The following LGR5 variants were observed in gnomAD, a reference collection of about 807,000 sequenced individuals.
LGR5 encodes leucine-rich repeat-containing G protein-coupled receptor 5.
LGR5 carries 54 observed loss-of-function variants against 76.7 expected under a neutral mutation model. The observed-to-expected ratio is 0.70, with a 90% CI of 0.57 to 0.88. LGR5 has a LOEUF of 0.88. Among genes scored for constraint, LGR5 ranks in the 40% least tolerant of loss-of-function variants. The pLI, the probability that LGR5 is intolerant of heterozygous loss-of-function variation, is 0.00. For synonymous variants in LGR5, 406 were observed against 421.9 expected, an observed-to-expected ratio of 0.96 and a Z score of 0.46; for missense variants, 1,078 against 1,073.3, an observed-to-expected ratio of 1.00 and a Z score of -0.06.
chr12:71,533,154 G>A (rs1314706099), intron 3 of LGR5, among the ~76,000 whole-genome samples: 1 of 152,120 alleles, frequency 6.6e-6, no homozygotes, highest in Admixed American at 6.5e-5. Context: ...AGACCAGCCT[G>A]GCCAACATGG....
intron 8 of LGR5, among the ~76,000 whole-genome samples, chr12:71,566,199 TA>T (rs1719808173): frequency 6.6e-6 from 1 of 152,206 alleles, no homozygotes; most frequent in Non-Finnish European, 1.5e-5. Flanking sequence ...CAATTTTATA[TA>T]GTACAGATTC....
At chr12:71,576,071 CA>C (rs1878842099) in intron 13 of LGR5, among the ~76,000 whole-genome samples, 1 of 152,054 alleles carries the variant, frequency 6.6e-6, no homozygotes, top group South Asian at 2.1e-4. Context: ...AGAGATACCA[CA>C]CACCAGGGCC....
intron 1 of LGR5, among the ~76,000 whole-genome samples, chr12:71,498,760 C>A (rs1874451142): frequency 6.6e-6 from 1 of 152,098 alleles, no homozygotes. Context: ...GGGAAGGGAT[C>A]CATAAGGAAG....
intron 1 of LGR5, among the ~76,000 whole-genome samples, chr12:71,451,336 A>G (rs112953098): frequency 0.012 from 1,839 of 152,312 alleles, 15 homozygotes; most frequent in Middle Eastern, 0.031. Context: ...CTTACAATGT[A>G]TGGAGGAACT....
At chr12:71,532,905 T>G (rs1876396419) in intron 3 of LGR5, among the ~76,000 whole-genome samples, 1 of 152,056 alleles carries the variant, frequency 6.6e-6, no homozygotes, top group Admixed American at 6.6e-5. Flanking sequence ...TAGAAATGTT[T>G]AGATAGCTAG....
At chr12:71,571,702 C>T (rs1878618618) in intron 12 of LGR5, 123 bp downstream of exon 12, 2 of 687,884 alleles carry the variant, frequency 2.9e-6, no homozygotes, top group Non-Finnish European at 5.1e-6. Flanking sequence ...TTCCTTCTTA[C>T]ACACACAAGG....
rs1592444852 is a variant in LGR5 at position 71,440,840 on chromosome 12, C to G, written c.212+548C>G. The stretch of plus-strand genomic sequence containing the variant: ...TTTTCCTCTTTTCCTCCCTTCCTTC[C>G]TCCCTTCTTCCTTCCTTCCCTCCCT... On this transcript the variant is annotated intron_variant, in intron 1 of 17. Transcript: ENST00000266674. This position sits in a 1 kb window ranked among gnomAD's most constrained non-coding sequence, Gnocchi z 5.3. Among the ~76,000 whole-genome samples the G allele has an allele frequency of 6.6e-6, 1 of 152,108 alleles. No individual in the cohort carries two copies.
At chr12:71,442,467 CA>C (rs1463114566) in intron 1 of LGR5, among the ~76,000 whole-genome samples, 11 of 152,170 alleles carry the variant, frequency 7.2e-5, no homozygotes, top group African/African-American at 2.7e-4. Flanking sequence ...GACATTTTCC[CA>C]GTGCCCTGTG....
At chr12:71,512,846 T>C (rs551202468) in intron 2 of LGR5, among the ~76,000 whole-genome samples, 1 of 152,224 alleles carries the variant, frequency 6.6e-6, no homozygotes, top group East Asian at 1.9e-4. Context: ...GTAACGTTGT[T>C]GGAATGTAAG....
intron 1 of LGR5, among the ~76,000 whole-genome samples, chr12:71,497,355 AG>A (rs771336760): frequency 0.098 from 13,416 of 136,568 alleles, 639 homozygotes; most frequent in Non-Finnish European, 0.12. Context: ...GAAGGAAGGA[AG>A]AAAGGAAGGA....
At chr12:71,556,497 T>C in intron 5 of LGR5, 122 bp from the exon 6 acceptor site, 1 of 700,474 alleles carries the variant, frequency 1.4e-6, no homozygotes. Context: ...AGCCATTTTT[T>C]ACATTGGCTT....
chr12:71,574,691 G>A (rs1310605720), intron 13 of LGR5, among the ~76,000 whole-genome samples: 1 of 152,120 alleles, frequency 6.6e-6, no homozygotes, highest in African/African-American at 2.4e-5. Context: ...CTGGTACAGT[G>A]TCATCTCTCC....
intron 11 of LGR5, 126 bp downstream of exon 11, chr12:71,567,038 G>T: frequency 1.3e-6 from 1 of 755,084 alleles, no homozygotes; most frequent in South Asian, 1.5e-5. Context: ...TCTGCAGGAG[G>T]TCAAGCCTCC....
At chr12:71,577,018 G>A (rs1878884926) in intron 13 of LGR5, among the ~76,000 whole-genome samples, 1 of 152,104 alleles carries the variant, frequency 6.6e-6, no homozygotes, top group Admixed American at 6.6e-5. Flanking sequence ...AAGGAGGACA[G>A]GTCCCTAAGG....
At chr12:71,556,712 T>C (rs760804500) in intron 6 of LGR5, 22 bp downstream of exon 6, 1 of 1,549,732 alleles carries the variant, frequency 6.5e-7, no homozygotes, top group South Asian at 1.1e-5. Context: ...TTTTATTTGT[T>C]TCCCTTTTTT....
intron 1 of LGR5, among the ~76,000 whole-genome samples, chr12:71,487,395 A>G (rs1265430038): frequency 6.6e-6 from 1 of 152,152 alleles, no homozygotes; most frequent in African/African-American, 2.4e-5. Context: ...TTCACTGAAC[A>G]GTACTTTTAG....
chr12:71,504,556 T>G, intron 1 of LGR5, 58 bp from the exon 2 acceptor site: 1 of 1,318,372 alleles, frequency 7.6e-7, no homozygotes, highest in Non-Finnish European at 1.1e-6. Context: ...ATTGAACAGC[T>G]GGATTTCCTT....
intron 1 of LGR5, among the ~76,000 whole-genome samples, chr12:71,484,832 A>G (rs1025028951): frequency 2.6e-5 from 4 of 152,198 alleles, no homozygotes; most frequent in African/African-American, 9.7e-5. Flanking sequence ...CACATTAACT[A>G]TTTCTATCTA....
intron 7 of LGR5, among the ~76,000 whole-genome samples, chr12:71,560,572 A>C (rs1461063379): frequency 6.6e-6 from 1 of 152,154 alleles, no homozygotes; most frequent in African/African-American, 2.4e-5. Flanking sequence ...CAGGCAGATT[A>C]CTCGAGGCCA....
Sources: allele counts gnomAD v4.1 joint callset (sites outside exome capture counted in the v4.1 genomes callset), GRCh38; gene constraint gnomAD v4.1.1; non-coding constraint Gnocchi (gnomAD v3.1); transcripts MANE v1.5; gene names NCBI Gene and HGNC (gene_info 2026-07-23, HGNC 2026-07-21).